Variants in CNTN4 observed in about 807,000 individuals in gnomAD.
CNTN4 encodes the protein contactin 4, also known as contactin-4.
In CNTN4, 77 loss-of-function variants were observed where a neutral mutation model predicts 122.5. The ratio of observed to expected loss-of-function variants is 0.63; its 90% CI spans 0.52 to 0.76. The LOEUF is 0.76. Ranked by LOEUF, CNTN4 falls within the 30% of genes least tolerant of loss-of-function variation. The probability of loss-of-function intolerance (pLI) is 0.00; values close to 1 mark genes in which losing one functional copy is unlikely to be tolerated. For missense variants in CNTN4, 1,256 were observed against 1,259.1 expected (o/e 1.00, Z 0.04); for synonymous variants, 512 against 447.0 (o/e 1.15, Z -1.83).
chr3:2,534,734 C>G (rs973050415), intron 3 of CNTN4, among the ~76,000 whole-genome samples: 53 of 149,396 alleles, frequency 3.5e-4, no homozygotes, highest in African/African-American at 1.3e-3. Flanking sequence ...TTCCTTTTTG[C>G]TCCCTGTTCT....
At chr3:2,162,347 A>G (rs1231924421) in intron 2 of CNTN4, among the ~76,000 whole-genome samples, 1 of 152,244 alleles carries the variant, frequency 6.6e-6, no homozygotes, top group African/African-American at 2.4e-5. Flanking sequence ...TTTTAAAAAG[A>G]TAACAGAATC....
chr3:2,292,160 C>G lies in CNTN4; in HGVS notation c.-144-47018C>G, dbSNP rs113800021. Among the ~76,000 whole-genome samples, 339 of 152,288 alleles carry G rather than the reference C, an allele frequency of 2.2e-3. 2 individuals are homozygous for G. Among genetic ancestry groups the G allele is most frequent in the African/African-American group, 7.7e-3 (320 of 41,568 alleles). Reference sequence around the variant, plus strand: ...GTAAAAAGTGGTACTTGTATTGTCACTTCTACGGCACTTATCTGTCCCACA... The same window carrying G: ...GTAAAAAGTGGTACTTGTATTGTCAGTTCTACGGCACTTATCTGTCCCACA... On this transcript the variant is annotated intron_variant, in intron 2 of 24. Coordinates refer to ENST00000418658, the MANE Select transcript of CNTN4 (RefSeq NM_175607.3).
At chr3:2,780,457 C>A (rs1294066730) in intron 6 of CNTN4, among the ~76,000 whole-genome samples, 1 of 152,190 alleles carries the variant, frequency 6.6e-6, no homozygotes, top group East Asian at 1.9e-4. Flanking sequence ...TGCATTTTCT[C>A]TTTGGCTTCC....
At chr3:3,002,666 A>G (rs2125411752) in intron 14 of CNTN4, among the ~76,000 whole-genome samples, 1 of 152,322 alleles carries the variant, frequency 6.6e-6, no homozygotes, top group Non-Finnish European at 1.5e-5. Context: ...AATCGAGAAA[A>G]TGAAGTCCCC....
intron 4 of CNTN4, among the ~76,000 whole-genome samples, chr3:2,607,474 G>A (rs2619557): frequency 0.65 from 99,260 of 151,914 alleles, 33,043 homozygotes; most frequent in Admixed American, 0.69. Context: ...AATTAAAGCT[G>A]TATGTATCAA....
At chr3:2,521,368 A>T (rs2077214476) in intron 3 of CNTN4, among the ~76,000 whole-genome samples, 1 of 93,790 alleles carries the variant, frequency 1.1e-5, no homozygotes, top group South Asian at 3.8e-4. Context: ...GCAATAAGTC[A>T]CTCATTTCTC....
chr3:2,492,837 G>A (rs1018952509), intron 3 of CNTN4, among the ~76,000 whole-genome samples: 5 of 152,044 alleles, frequency 3.3e-5, no homozygotes, highest in African/African-American at 1.2e-4. Flanking sequence ...ACAAATACAT[G>A]GTGTGATAGT....
intron 2 of CNTN4, among the ~76,000 whole-genome samples, chr3:2,141,983 A>G (rs1433710135): frequency 6.6e-6 from 1 of 152,346 alleles, no homozygotes; most frequent in South Asian, 2.1e-4. Context: ...GCTGCTGGTC[A>G]TTAGACCTCA....
chr3:2,224,203 A>G (rs908583278), intron 2 of CNTN4, among the ~76,000 whole-genome samples: 4 of 152,130 alleles, frequency 2.6e-5, no homozygotes, highest in African/African-American at 7.2e-5. Flanking sequence ...AAAGAAATAT[A>G]TTTTAGGGTG....
At chr3:2,623,809 A>C (rs2082079924) in intron 4 of CNTN4, among the ~76,000 whole-genome samples, 1 of 152,324 alleles carries the variant, frequency 6.6e-6, no homozygotes, top group Admixed American at 6.5e-5. Context: ...TAGGAAATCC[A>C]GATCAGTCAA....
chr3:2,219,461 G>A (rs2038975366), intron 2 of CNTN4, among the ~76,000 whole-genome samples: 1 of 152,018 alleles, frequency 6.6e-6, no homozygotes, highest in African/African-American at 2.4e-5. Context: ...TCTACCATTT[G>A]TGTTACGTTG....
chr3:2,153,681 G>A (rs981668532), intron 2 of CNTN4, among the ~76,000 whole-genome samples: 2 of 152,134 alleles, frequency 1.3e-5, no homozygotes, highest in Non-Finnish European at 1.5e-5. Context: ...TAGTTGAAGC[G>A]TTTAAATAAT....
chr3:2,629,519 G>A (rs557734940), intron 4 of CNTN4: 39 of 451,140 alleles, frequency 8.6e-5, no homozygotes, highest in African/African-American at 4.6e-4. Context: ...GTTCCTTCCC[G>A]TTCTAGGTTC....
At chr3:2,609,478 G>A (rs2081391928) in intron 4 of CNTN4, among the ~76,000 whole-genome samples, 1 of 152,154 alleles carries the variant, frequency 6.6e-6, no homozygotes, top group Admixed American at 6.5e-5. Flanking sequence ...CAGGTATTTT[G>A]TTATAGCAGC....
At chr3:2,944,904 G>T (rs1417047943) in intron 13 of CNTN4, among the ~76,000 whole-genome samples, 1 of 152,162 alleles carries the variant, frequency 6.6e-6, no homozygotes, top group African/African-American at 2.4e-5. Flanking sequence ...ATTTCAGCTA[G>T]TCCCACTGAG....
intron 3 of CNTN4, among the ~76,000 whole-genome samples, chr3:2,408,390 T>C (rs2047112277): frequency 6.6e-6 from 1 of 152,196 alleles, no homozygotes; most frequent in African/African-American, 2.4e-5. Flanking sequence ...AAATTAAATA[T>C]TAGGAAAATG....
At chr3:2,344,889 C>T (rs964195532) in intron 3 of CNTN4, among the ~76,000 whole-genome samples, 2 of 152,188 alleles carry the variant, frequency 1.3e-5, no homozygotes, top group Non-Finnish European at 2.9e-5. Context: ...GTTGGCTTTT[C>T]TCTTCCTGGC....
intron 7 of CNTN4, among the ~76,000 whole-genome samples, chr3:2,859,793 A>G (rs1359423962): frequency 6.6e-6 from 1 of 152,214 alleles, no homozygotes; most frequent in Admixed American, 6.5e-5. Flanking sequence ...TATTGTCTAA[A>G]CAATGAGTTA....
At chr3:2,915,421 C>A (rs2094343203) in intron 12 of CNTN4, among the ~76,000 whole-genome samples, 1 of 152,222 alleles carries the variant, frequency 6.6e-6, no homozygotes, top group Non-Finnish European at 1.5e-5. Flanking sequence ...AGCAAACTAC[C>A]TCAACCTAAT....
Sources: allele counts gnomAD v4.1 joint callset (sites outside exome capture counted in the v4.1 genomes callset), GRCh38; gene constraint gnomAD v4.1.1; transcripts MANE v1.5; gene names NCBI Gene and HGNC (gene_info 2026-07-23, HGNC 2026-07-21).